NAV1: variants seen among roughly 807,000 people sequenced by gnomAD.
The protein encoded by NAV1 is pore membrane and/or filament interacting like protein 3.
NAV1 carries 18 observed loss-of-function variants against 175.2 expected under a neutral mutation model. That is an observed-to-expected ratio of 0.10 (90% CI 0.07 to 0.15). The LOEUF is 0.15. Ranked by LOEUF, NAV1 falls within the 10% of genes least tolerant of loss-of-function variation. The probability of loss-of-function intolerance (pLI) is 1.00; values close to 1 mark genes in which losing one functional copy is unlikely to be tolerated. For synonymous variants in NAV1, 897 were observed against 978.7 expected, an observed-to-expected ratio of 0.92 and a Z score of 1.56; for missense variants, 1,731 against 2,436.6, an observed-to-expected ratio of 0.71 and a Z score of 6.10.
chr1:201,669,059 T>G (rs1669940683), intron 1 of NAV1, among the ~76,000 whole-genome samples: 1 of 152,202 alleles, frequency 6.6e-6, no homozygotes, highest in African/African-American at 2.4e-5. Context: ...TGTGTAGCAC[T>G]GTGGTTAAGA....
chr1:201,781,377 GTCAT>G, intron 5 of NAV1, 68 bp downstream of exon 9: 1 of 1,432,550 alleles, frequency 7.0e-7, no homozygotes, highest in Non-Finnish European at 9.3e-7. Context: ...CTTCTTAGTG[GTCAT>G]TAACCCATAG....
At chr1:201,809,345 C>T in intron 21 of NAV1, 84 bp downstream of exon 25, 2 of 1,589,368 alleles carry the variant, frequency 1.3e-6, no homozygotes, top group South Asian at 1.1e-5. Flanking sequence ...TGGGTACCTC[C>T]AAAACCAAAG....
Position 201,635,202 on chromosome 1 carries a change from C to G in NAV1, c.4+5695C>G, listed in dbSNP as rs1210192394. Among the ~76,000 whole-genome samples, 19 of 145,896 alleles carry G rather than the reference C, an allele frequency of 1.3e-4. 1 individual carries two copies. Among genetic ancestry groups the G allele is most frequent in the Admixed American group, 1.0e-3 (15 of 15,042 alleles). On this transcript the variant is annotated intron_variant, in intron 2 of 29. Transcript: ENST00000367302. ...TACAGACGTCCACCACCACACCTGG[C>G]TATCTTTTTTTTTTTTGTATTTTTA...
intron 2 of NAV1, among the ~76,000 whole-genome samples, chr1:201,607,394 T>G (rs2102245038): frequency 6.6e-6 from 1 of 151,710 alleles, no homozygotes; most frequent in Admixed American, 6.6e-5. Flanking sequence ...GGATTACAGG[T>G]GTGAGCTGCC....
In NAV1 at chr1:201,812,994, C is replaced by T; in HGVS notation, c.5222-146C>T. On this transcript the variant is annotated intron_variant, in intron 27 of 29. Coordinates refer to ENST00000367296, the Ensembl canonical transcript of NAV1. This position sits in a 1 kb window ranked among gnomAD's most constrained non-coding sequence, Gnocchi z 4.6. ...CTTATGAGATTGCCATCTAGGCAGT[C>T]AGCACCCACTAGTCTTGACAACTCT... 5.6e-5 allele frequency: 36 copies of T among 637,202 alleles called. No homozygotes were observed. Among genetic ancestry groups the T allele is most frequent in the Non-Finnish European group, 7.7e-5 (28 of 362,708 alleles). The allele number at this position is 637,202 out of a possible 1,614,324, so 39.5% of individuals were successfully genotyped here.
chr1:201,695,151 C>A (rs563741255), intron 1 of NAV1, among the ~76,000 whole-genome samples: 10 of 152,246 alleles, frequency 6.6e-5, no homozygotes, highest in Non-Finnish European at 8.8e-5. Flanking sequence ...ATGCTCAGGC[C>A]TCTTGGCCCC....
At chr1:201,802,472 A>AAAG (rs1343557954) in intron 15 of NAV1, among the ~76,000 whole-genome samples, 4 of 128,438 alleles carry the variant, frequency 3.1e-5, no homozygotes, top group Admixed American at 1.7e-4. Flanking sequence ...AAAAAAAAAA[A>AAAG]AAAAGAAAGA....
intron 3 of NAV1, among the ~76,000 whole-genome samples, chr1:201,722,766 C>T (rs1487077048): frequency 3.3e-5 from 5 of 152,292 alleles, no homozygotes; most frequent in Non-Finnish European, 5.9e-5. Context: ...CTAATTTCTC[C>T]GAATTCTCCC....
In NAV1 at chr1:201,558,323, A is replaced by G. The variant is rs1488209690; in HGVS notation, c.-144+18981A>G. Among the ~76,000 whole-genome samples, 4 of 152,142 alleles carry G rather than the reference A, an allele frequency of 2.6e-5. No homozygotes were observed. The East Asian group carries it at 7.7e-4, about 29-fold the overall frequency. The stretch of plus-strand genomic sequence containing the variant: ...TGGCCATTTTGAAGAGTAGGCAGTG[A>G]TTTTTCGGGGAAATGAATGAGCCCA... On this transcript the variant is annotated intron_variant, in intron 1 of 33. Coordinates refer to the NAV1 transcript ENST00000685211.
At chr1:201,710,448 A>AT (rs1414132295) in intron 1 of NAV1, among the ~76,000 whole-genome samples, 1 of 151,932 alleles carries the variant, frequency 6.6e-6, no homozygotes, top group African/African-American at 2.4e-5. Flanking sequence ...CACCTGGCCA[A>AT]TTTTTTTATT....
chr1:201,821,505 G>GACACACACACACACACACACAC (rs57007517), exon 30 of NAV1: 6 of 144,650 alleles, frequency 4.1e-5, no homozygotes, highest in East Asian at 2.2e-4. Flanking sequence ...GGTTAAAACA[G>GACACACACACACACACACACAC]ACACACACAC....
chr1:201,757,495 T>C (rs1674588621), intron 3 of NAV1, among the ~76,000 whole-genome samples: 1 of 152,216 alleles, frequency 6.6e-6, no homozygotes, highest in African/African-American at 2.4e-5. Context: ...CTCGAGCGAT[T>C]CTTCTGCTTT....
chr1:201,605,913 C>T (rs1667661924), intron 2 of NAV1, among the ~76,000 whole-genome samples: 1 of 152,182 alleles, frequency 6.6e-6, no homozygotes, highest in East Asian at 1.9e-4. Context: ...TGTGGTTGGC[C>T]TCAGCAGCCT....
At chr1:201,820,863 G>T (rs556368974) in exon 30 of NAV1, 2 of 149,142 alleles carry the variant, frequency 1.3e-5, no homozygotes, top group South Asian at 4.2e-4. Context: ...ATGTCCACGA[G>T]ATGCTTGGGT....
chr1:201,738,493 T>C (rs2102545042), intron 3 of NAV1, among the ~76,000 whole-genome samples: 1 of 152,196 alleles, frequency 6.6e-6, no homozygotes, highest in South Asian at 2.1e-4. Context: ...AGAGGGGCTG[T>C]ACAGTTACCC....
Position 201,750,864 on chromosome 1 carries a change from C to T in NAV1, c.1227-29557C>T. 6.6e-6 allele frequency among the ~76,000 whole-genome samples: 1 copy of T among 152,100 alleles called. No homozygotes were observed. The highest frequency in any genetic ancestry group is 1.9e-4 in the East Asian group (1 of 5,154). ...AATTGAGAAGTGGTCTGGATCTACC[C>T]TGTATCAGAACAGGATGGAAGAAAG... On this transcript the variant is annotated intron_variant, in intron 3 of 29. Transcript: ENST00000367296. The surrounding 1 kb of genome is among the most constrained non-coding windows in gnomAD (Gnocchi z 4.1).
intron 15 of NAV1, among the ~76,000 whole-genome samples, chr1:201,802,970 A>G (rs1337906242): frequency 6.6e-6 from 1 of 152,088 alleles, no homozygotes; most frequent in Non-Finnish European, 1.5e-5. Flanking sequence ...CTTTTCTTCA[A>G]CCCTAAATAC....
At chr1:201,805,127 A>G (rs1400928755) in intron 17 of NAV1, among the ~76,000 whole-genome samples, 1 of 152,204 alleles carries the variant, frequency 6.6e-6, no homozygotes, top group African/African-American at 2.4e-5. Context: ...TCTGTTATGA[A>G]CCAGATACCT....
intron 1 of NAV1, among the ~76,000 whole-genome samples, chr1:201,683,490 C>T (rs1032206802): frequency 4.6e-5 from 7 of 152,058 alleles, no homozygotes; most frequent in East Asian, 1.9e-4. Flanking sequence ...CCCTACAATG[C>T]GCAGTTCACA....
Sources: gnomAD v4.1 joint callset for allele counts (sites outside exome capture counted in the v4.1 genomes callset) on GRCh38, gnomAD v4.1.1 for gene constraint, Gnocchi (gnomAD v3.1) non-coding constraint, MANE v1.5 for transcripts, NCBI Gene and HGNC (gene_info 2026-07-23, HGNC 2026-07-21) for gene names.